SGCE: variants seen among roughly 807,000 people sequenced by gnomAD.
SGCE encodes the protein epsilon-sarcoglycan.
In SGCE, 26 loss-of-function variants were observed where a neutral mutation model predicts 57.8. The ratio of observed to expected loss-of-function variants is 0.45; its 90% CI spans 0.33 to 0.62. SGCE has a LOEUF of 0.62. Among genes scored for constraint, SGCE ranks in the 20% least tolerant of loss-of-function variants. The pLI is 0.02. For missense variants in SGCE, 468 were observed against 548.6 expected (o/e 0.85, Z 1.47); for synonymous variants, 183 against 189.5 (o/e 0.97, Z 0.28).
At chr7:94,645,579 T>C (rs1806941792) in intron 1 of SGCE, among the ~76,000 whole-genome samples, 1 of 151,836 alleles carries the variant, frequency 6.6e-6, no homozygotes, top group Non-Finnish European at 1.5e-5. Context: ...GACTTTAGAG[T>C]GAAATAAAAC....
chr7:94,607,800 A>G (rs1357466781), intron 5 of SGCE, among the ~76,000 whole-genome samples: 1 of 152,212 alleles, frequency 6.6e-6, no homozygotes, highest in Non-Finnish European at 1.5e-5. Context: ...GACAAAAAGA[A>G]AATAAAAAGT....
At chr7:94,646,056 T>C (rs1807025574) in intron 1 of SGCE, among the ~76,000 whole-genome samples, 1 of 152,130 alleles carries the variant, frequency 6.6e-6, no homozygotes, top group South Asian at 2.1e-4. Flanking sequence ...CATACCAAAC[T>C]CCACTACACT....
intron 10 of SGCE, among the ~76,000 whole-genome samples, chr7:94,586,061 GAA>G (rs780812386): frequency 0.01 from 292 of 28,896 alleles, no homozygotes; most frequent in African/African-American, 0.037. Context: ...GGAACTAAAT[GAA>G]AAAAAAAAAA....
At chr7:94,635,109 G>A (rs896557023) in intron 1 of SGCE, among the ~76,000 whole-genome samples, 1 of 151,988 alleles carries the variant, frequency 6.6e-6, no homozygotes, top group African/African-American at 2.4e-5. Context: ...ATTTCTAAAA[G>A]CATTTCAATT....
chr7:94,614,119 A>C (rs1253466972), intron 5 of SGCE, among the ~76,000 whole-genome samples: 49 of 151,410 alleles, frequency 3.2e-4, no homozygotes, highest in South Asian at 1.7e-3. Context: ...AAAAAAAAAA[A>C]AAAAAAAAAA....
In SGCE at chr7:94,600,505, T is replaced by C. The variant is rs1584530659; in HGVS notation, c.1037+141A>G. The C allele has an allele frequency of 7.7e-6, 5 of 653,592 alleles. No homozygotes were observed. The East Asian group carries it at 1.1e-4, about 14-fold the overall frequency. 40.5% of individuals were successfully genotyped at this position (653,592 alleles called of 1,614,324 possible). A position where few individuals can be genotyped will look rare whatever the true frequency, so the allele number is the denominator to read the frequency against. The stretch of plus-strand genomic sequence containing the variant: ...ACTATTTTAATTCATTTTAAAGGAA[T>C]AAAGTATTGCAGTTTGGACACAATT... On this transcript the variant is annotated intron_variant, in intron 7 of 10. Transcript: ENST00000648936.
At chr7:94,594,035 G>GTGGT (rs1164941340) in intron 9 of SGCE, among the ~76,000 whole-genome samples, 3 of 152,052 alleles carry the variant, frequency 2.0e-5, no homozygotes, top group Non-Finnish European at 2.9e-5. Context: ...CTGACACAAC[G>GTGGT]TGGTTTGGGA....
chr7:94,597,467 G>A (rs1334192102), intron 9 of SGCE: 1 of 152,040 alleles, frequency 6.6e-6, no homozygotes, highest in Non-Finnish European at 1.5e-5. Context: ...AGCACTCAAT[G>A]GGAAAAATGT....
chr7:94,639,836 G>T (rs1303895848), intron 1 of SGCE, among the ~76,000 whole-genome samples: 1 of 152,204 alleles, frequency 6.6e-6, no homozygotes, highest in African/African-American at 2.4e-5. Context: ...ATGTTGTTAA[G>T]TTTAAAGTAC....
At chr7:94,646,754 A>G (rs1174804909) in intron 1 of SGCE, among the ~76,000 whole-genome samples, 1 of 152,212 alleles carries the variant, frequency 6.6e-6, no homozygotes, top group African/African-American at 2.4e-5. Flanking sequence ...AAATATAACA[A>G]TGCTCACATG....
At chr7:94,627,936 C>T (rs1803996634) in intron 3 of SGCE, 3 of 390,386 alleles carry the variant, frequency 7.7e-6, no homozygotes, top group Non-Finnish European at 1.4e-5. Flanking sequence ...AAATAGAATT[C>T]ATATTATAAT....
At chr7:94,599,055 C>A in intron 8 of SGCE, 92 bp from the exon 9 acceptor site, 1 of 931,902 alleles carries the variant, frequency 1.1e-6, no homozygotes, top group Non-Finnish European at 1.6e-6. Flanking sequence ...GTATTTTTAT[C>A]TTTTAAAATA....
At chr7:94,602,385 T>C (rs959507077) in intron 6 of SGCE, among the ~76,000 whole-genome samples, 3 of 152,100 alleles carry the variant, frequency 2.0e-5, no homozygotes, top group African/African-American at 7.2e-5. Context: ...TGTTGCAATG[T>C]GAGTAATATG....
At chr7:94,612,830 C>T (rs1801269698) in intron 5 of SGCE, among the ~76,000 whole-genome samples, 2 of 152,194 alleles carry the variant, frequency 1.3e-5, no homozygotes, top group Admixed American at 1.3e-4. Flanking sequence ...ATTGACATCC[C>T]CAAATGCTCA....
intron 10 of SGCE, chr7:94,588,120 T>C (rs1797151682): frequency 5.2e-6 from 6 of 1,161,724 alleles, no homozygotes; most frequent in Non-Finnish European, 6.4e-6. Context: ...CTGTGGAAAA[T>C]TTTTAGGGAC....
intron 3 of SGCE, chr7:94,624,750 C>T (rs1026024746): frequency 6.6e-6 from 1 of 152,040 alleles, no homozygotes; most frequent in Non-Finnish European, 1.5e-5. Flanking sequence ...GTTACAATAT[C>T]ATGAAGCTTC....
Position 94,627,362 on chromosome 7 carries a change from C to T in SGCE, c.390+840G>A, listed in dbSNP as rs980791334. The T allele has an allele frequency of 4.6e-5, 7 of 151,998 alleles. No individual in the cohort carries two copies. The East Asian group carries it at 1.4e-3, about 29-fold the overall frequency. The allele number at this position is 151,998 out of a possible 1,614,324, so 9.4% of individuals were successfully genotyped here. ...TGTTGTTGTTAATTTCTAGTATCTC[C>T]CAGCTACAATGCTAGGTGCTGGTGA... On this transcript the variant is annotated intron_variant, in intron 3 of 10. Coordinates refer to ENST00000648936, the MANE Select transcript of SGCE (RefSeq NM_003919.3).
chr7:94,595,372 C>T (rs1021548275), intron 9 of SGCE, among the ~76,000 whole-genome samples: 1 of 151,984 alleles, frequency 6.6e-6, no homozygotes, highest in African/African-American at 2.4e-5. Flanking sequence ...CAATATAAAC[C>T]TTTAGCCATA....
chr7:94,645,481 A>G (rs1806926438), intron 1 of SGCE, among the ~76,000 whole-genome samples: 1 of 152,212 alleles, frequency 6.6e-6, no homozygotes, highest in Non-Finnish European at 1.5e-5. Flanking sequence ...CTCTGAAAGG[A>G]GTTGGGAAAA....
Sources: gnomAD v4.1 joint callset for allele counts (sites outside exome capture counted in the v4.1 genomes callset) on GRCh38, gnomAD v4.1.1 for gene constraint, MANE v1.5 for transcripts, NCBI Gene and HGNC (gene_info 2026-07-23, HGNC 2026-07-21) for gene names.